Variants in UBLCP1 observed in about 807,000 individuals in gnomAD.
UBLCP1 encodes the protein ubiquitin-like domain-containing CTD phosphatase 1.
Under a neutral mutation model 42.4 loss-of-function variants are expected in UBLCP1, and 28 were observed. The observed-to-expected ratio is 0.66, with a 90% confidence interval of 0.49 to 0.90. UBLCP1 has a LOEUF of 0.90. Ranked by LOEUF, UBLCP1 falls within the 40% of genes least tolerant of loss-of-function variation. The probability of loss-of-function intolerance (pLI) is 0.00; values close to 1 mark genes in which losing one functional copy is unlikely to be tolerated. For synonymous variants in UBLCP1, 122 were observed against 120.8 expected, an observed-to-expected ratio of 1.01 and a Z score of -0.07; for missense variants, 279 against 374.5, an observed-to-expected ratio of 0.75 and a Z score of 2.10.
chr5:159,274,922 A>G (rs1009362280), intron 7 of UBLCP1, among the ~76,000 whole-genome samples: 2 of 152,190 alleles, frequency 1.3e-5, no homozygotes, highest in Non-Finnish European at 2.9e-5. Flanking sequence ...AAGAGTCAGT[A>G]TTCTCCTAAA....
chr5:159,275,836 T>C (rs1451835938), intron 8 of UBLCP1, among the ~76,000 whole-genome samples: 3 of 151,962 alleles, frequency 2.0e-5, no homozygotes, highest in Non-Finnish European at 2.9e-5. Flanking sequence ...CTGGGCAGAG[T>C]AGGTGAGAAA....
rs1231552218 is a variant in UBLCP1, at chr5:159,269,933, G to A, written c.180G>A (p.Lys60=). The A allele has an allele frequency of 3.7e-6, 6 of 1,613,028 alleles. No homozygotes were observed. The highest frequency in any genetic ancestry group is 1.7e-4 in the Middle Eastern group (1 of 6,046). Residue 60 remains lysine (K), a synonymous_variant, in exon 3 of 11, where the codon AAG becomes AAA. Transcript: ENST00000296786. ...VKGKPAENDV[K]LGALKLKPNT... is the part of the protein sequence containing the mutation. ...GCAAACCTGCAGAAAATGATGTTAA[G>A]CTTGGAGCTCTCAAACTGAAACCAA...
At chr5:159,277,548 G>A (rs542199884) in intron 8 of UBLCP1, among the ~76,000 whole-genome samples, 1 of 152,250 alleles carries the variant, frequency 6.6e-6, no homozygotes, top group Admixed American at 6.5e-5. Context: ...CTTTCACCTG[G>A]TACCTAGCCA....
At position 159,285,803 on chromosome 5, in the gene UBLCP1, G is replaced by A. The variant is rs772977576; in HGVS notation, c.*872G>A. ...TTTTGTTCTGTTCCAGCTATATCTT[G>A]TCTAAGTGCTAACACTGTTTCAGTG... On this transcript the variant is annotated 3_prime_UTR_variant, in exon 11 of 11. Coordinates refer to ENST00000296786, the MANE Select transcript of UBLCP1 (RefSeq NM_145049.5). 9.2e-5 allele frequency: 14 copies of A among 152,682 alleles called. No homozygotes were observed. Among genetic ancestry groups the A allele is most frequent in the African/African-American group, 3.1e-4 (13 of 41,430 alleles). 9.5% of individuals were successfully genotyped at this position (152,682 alleles called of 1,614,324 possible).
Position 159,278,677 on chromosome 5 carries a change from A to T in UBLCP1, c.801+323A>T, listed in dbSNP as rs185251354. On this transcript the variant is annotated intron_variant, in intron 9 of 10. Transcript: ENST00000296786. The stretch of plus-strand genomic sequence containing the variant: ...AATCTCCACCTCCTGGGTTCAAGTG[A>T]TTCTCCTGCCTCAGCCTCCTGAGTA... 4.8e-3 allele frequency among the ~76,000 whole-genome samples: 735 copies of T among 152,098 alleles called. 5 individuals carry two copies. The highest frequency in any genetic ancestry group is 0.017 in the Middle Eastern group (5 of 292).
chr5:159,284,017 G>A (rs1049080883), intron 10 of UBLCP1, among the ~76,000 whole-genome samples: 51 of 152,226 alleles, frequency 3.4e-4, no homozygotes, highest in African/African-American at 1.2e-3. Flanking sequence ...TGAGGATCTG[G>A]TTCCAGTAAT....
At position 159,269,866 on chromosome 5, in the gene UBLCP1, C is replaced by T. The variant is rs755935688; in HGVS notation, c.155-42C>T. The T allele has an allele frequency of 1.0e-5, 15 of 1,503,568 alleles. No individual in the cohort carries two copies. In the Admixed American group the frequency reaches 1.5e-4, roughly 15 times the overall value. 93.1% of individuals were successfully genotyped at this position (1,503,568 alleles called of 1,614,324 possible). A position where few individuals can be genotyped will look rare whatever the true frequency, so the allele number is the denominator to read the frequency against. Reference sequence around the variant, plus strand: ...ATATAATGGAATAGTGAAACCAGCACCTGAACTTTAGTGAGAAAACAGTCA... The same window carrying T: ...ATATAATGGAATAGTGAAACCAGCATCTGAACTTTAGTGAGAAAACAGTCA... On this transcript the variant is annotated intron_variant, in intron 2 of 10. Coordinates refer to ENST00000296786, the MANE Select transcript of UBLCP1 (RefSeq NM_145049.5).
At chr5:159,283,093 T>A (rs2113324013) in intron 9 of UBLCP1, 119 bp from the exon 10 acceptor site, 1 of 1,010,106 alleles carries the variant, frequency 9.9e-7, no homozygotes, top group East Asian at 2.9e-5. Flanking sequence ...AAGTAATTTT[T>A]AGTATTTATG....
chr5:159,283,538 C>T (rs746010973), intron 10 of UBLCP1, among the ~76,000 whole-genome samples, 199 bp downstream of exon 10: 18 of 152,018 alleles, frequency 1.2e-4, no homozygotes, highest in Non-Finnish European at 1.6e-4. Flanking sequence ...TGTTCATAAA[C>T]ATACCTCTTG....
chr5:159,278,436 C>T (rs1364933004), intron 9 of UBLCP1, 82 bp downstream of exon 9: 43 of 954,668 alleles, frequency 4.5e-5, no homozygotes, highest in Non-Finnish European at 3.7e-5. Context: ...TGTTGAATTT[C>T]ATATATTTTT....
intron 9 of UBLCP1, among the ~76,000 whole-genome samples, chr5:159,281,087 G>A (rs73307762): frequency 0.1 from 15,771 of 152,132 alleles, 849 homozygotes; most frequent in Middle Eastern, 0.17. Flanking sequence ...CCCTTAATTT[G>A]TTTATTTAAA....
At chr5:159,272,410 ATT>A (rs879932057) in intron 6 of UBLCP1, among the ~76,000 whole-genome samples, 3 of 143,734 alleles carry the variant, frequency 2.1e-5, no homozygotes, top group African/African-American at 5.1e-5. Context: ...TTTCCTTCTG[ATT>A]TTTTTTTTTT....
intron 7 of UBLCP1, 22 bp from the exon 8 acceptor site, chr5:159,275,126 T>C: frequency 1.2e-6 from 2 of 1,601,540 alleles, no homozygotes; most frequent in Non-Finnish European, 8.5e-7. Flanking sequence ...TGTTTTAACC[T>C]CACAAATATT....
chr5:159,277,417 CAT>C (rs1753552438), intron 8 of UBLCP1, among the ~76,000 whole-genome samples: 1 of 152,060 alleles, frequency 6.6e-6, no homozygotes, highest in African/African-American at 2.4e-5. Flanking sequence ...ATTCTGTTCT[CAT>C]AATACCGTAA....
chr5:159,270,163 A>G (rs906913316), intron 3 of UBLCP1, among the ~76,000 whole-genome samples, 164 bp downstream of exon 3: 2 of 152,214 alleles, frequency 1.3e-5, no homozygotes, highest in African/African-American at 4.8e-5. Flanking sequence ...GTATAGTAGT[A>G]GCACAAATGA....
chr5:159,280,926 C>T lies in UBLCP1; in HGVS notation c.802-2286C>T, dbSNP rs80130703. On this transcript the variant is annotated intron_variant, in intron 9 of 10. Coordinates refer to ENST00000296786, the MANE Select transcript of UBLCP1 (RefSeq NM_145049.5). ...TATAGGAGAATTCAGCTTATCTAGA[C>T]AGTCTTAAGTTTCTAAAAATGCTTC... is the stretch of plus-strand genomic sequence containing the variant. Among the ~76,000 whole-genome samples, 1,435 of 152,274 alleles carry T rather than the reference C, an allele frequency of 9.4e-3. 24 individuals carry two copies. The highest frequency in any genetic ancestry group is 0.079 in the East Asian group (411 of 5,174).
intron 1 of UBLCP1, among the ~76,000 whole-genome samples, chr5:159,265,941 C>T (rs1426971402): frequency 6.6e-6 from 1 of 152,138 alleles, no homozygotes; most frequent in African/African-American, 2.4e-5. Context: ...GCCTCAGCCT[C>T]CCAAAGTTCT....
At chr5:159,278,174 C>T in intron 8 of UBLCP1, 64 bp from the exon 9 acceptor site, 1 of 1,182,632 alleles carries the variant, frequency 8.5e-7, no homozygotes, top group Non-Finnish European at 1.3e-6. Flanking sequence ...TTGCAGTATT[C>T]CTGCTTTTAA....
In UBLCP1 at chr5:159,270,449, A is replaced by G. The variant is rs1277488464; in HGVS notation, c.332+4A>G. 6.2e-7 allele frequency: 1 copy of G among 1,612,414 alleles called. No individual in the cohort carries two copies. The highest frequency in any genetic ancestry group is 2.2e-5 in the East Asian group (1 of 44,764). ...AAGTAGTTGAAGTAGAAAATAGGTA[A>G]GTGCTTTTCGCTTTAGAAGTAATCA... On this transcript the variant is annotated splice_donor_region_variant and intron_variant, in intron 4 of 10. Coordinates refer to ENST00000296786, the MANE Select transcript of UBLCP1 (RefSeq NM_145049.5).
Sources: allele counts gnomAD v4.1 joint callset (sites outside exome capture counted in the v4.1 genomes callset), GRCh38; gene constraint gnomAD v4.1.1; transcripts MANE v1.5; gene names NCBI Gene and HGNC (gene_info 2026-07-23, HGNC 2026-07-21).